Variants in CACNA2D3 observed in about 807,000 individuals in gnomAD.
CACNA2D3 encodes calcium voltage-gated channel auxiliary subunit alpha2delta 3.
A neutral mutation model predicts 160.6 loss-of-function variants in CACNA2D3; 60 were observed. The observed-to-expected ratio is 0.37, with a 90% CI of 0.30 to 0.46. The LOEUF is 0.46. Ranked by LOEUF, CACNA2D3 falls within the 20% of genes least tolerant of loss-of-function variation. The pLI is 1.00. For synonymous variants in CACNA2D3, 558 were observed against 492.9 expected (o/e 1.13, Z -1.75); for missense variants, 1,205 against 1,365.0 (o/e 0.88, Z 1.85).
At chr3:54,852,366 T>A (rs530831483) in intron 17 of CACNA2D3, among the ~76,000 whole-genome samples, 1 of 152,374 alleles carries the variant, frequency 6.6e-6, no homozygotes, top group South Asian at 2.1e-4. Context: ...CCACACTAGG[T>A]GAACCTGAGC....
intron 4 of CACNA2D3, among the ~76,000 whole-genome samples, chr3:54,418,452 T>C (rs2106744665): frequency 6.6e-6 from 1 of 152,318 alleles, no homozygotes; most frequent in East Asian, 1.9e-4. Flanking sequence ...TTAAAGGCGA[T>C]ATTTTTTGAA....
chr3:54,368,992 C>T (rs117925984), intron 3 of CACNA2D3, among the ~76,000 whole-genome samples: 2 of 151,932 alleles, frequency 1.3e-5, no homozygotes, highest in South Asian at 2.1e-4. Flanking sequence ...TGAGCCACTG[C>T]GTCCGGCCGG....
intron 35 of CACNA2D3, among the ~76,000 whole-genome samples, chr3:55,019,220 T>C (rs1053937086): frequency 6.6e-6 from 1 of 151,908 alleles, no homozygotes; most frequent in African/African-American, 2.4e-5. Context: ...TTAATTATTA[T>C]AGCTTTATAA....
intron 35 of CACNA2D3, among the ~76,000 whole-genome samples, chr3:55,035,215 T>A (rs1703787370): frequency 6.6e-6 from 1 of 152,176 alleles, no homozygotes; most frequent in African/African-American, 2.4e-5. Flanking sequence ...GTTTATACAT[T>A]TAATGCTTTT....
chr3:54,440,678 T>C (rs1302551989), intron 4 of CACNA2D3, among the ~76,000 whole-genome samples: 1 of 152,134 alleles, frequency 6.6e-6, no homozygotes, highest in Non-Finnish European at 1.5e-5. Flanking sequence ...GATATTCCCC[T>C]TCCTGTGTCC....
intron 17 of CACNA2D3, among the ~76,000 whole-genome samples, chr3:54,864,975 C>T (rs545998631): frequency 4.6e-5 from 7 of 152,304 alleles, no homozygotes; most frequent in Admixed American, 3.3e-4. Context: ...AGACACGTAC[C>T]GCTGTTAGCA....
At position 54,816,925 on chromosome 3, in the gene CACNA2D3, G is replaced by A. The variant is rs1411495251; in HGVS notation, c.1398+55G>A. On this transcript the variant is annotated intron_variant, in intron 14 of 37. Transcript: ENST00000474759. ...CCCCCAGAACTCACGAGTCATGCATGCCTCCATGGTGTTGTACATTTGACA... is the reference window on the plus strand; with the variant it reads ...CCCCCAGAACTCACGAGTCATGCATACCTCCATGGTGTTGTACATTTGACA... The A allele has an allele frequency of 5.7e-6, 9 of 1,585,082 alleles. No individual in the cohort carries two copies. In the African/African-American group the frequency reaches 6.8e-5, roughly 12 times the overall value.
chr3:55,053,151 G>A (rs932973460), intron 35 of CACNA2D3, among the ~76,000 whole-genome samples: 2 of 151,726 alleles, frequency 1.3e-5, no homozygotes, highest in Non-Finnish European at 2.9e-5. Flanking sequence ...CCTCCCACTG[G>A]TTTCTCTCCA....
intron 34 of CACNA2D3, among the ~76,000 whole-genome samples, chr3:55,014,737 GCAA>G (rs1167615182): frequency 6.6e-6 from 1 of 152,050 alleles, no homozygotes; most frequent in Non-Finnish European, 1.5e-5. Context: ...GTCTCCAACA[GCAA>G]CAACAACAAC....
intron 4 of CACNA2D3, among the ~76,000 whole-genome samples, chr3:54,497,184 A>G (rs1002222654): frequency 1.3e-5 from 2 of 152,074 alleles, no homozygotes; most frequent in Non-Finnish European, 1.5e-5. Context: ...TTGAATTTGT[A>G]GATCACTTTG....
intron 2 of CACNA2D3, among the ~76,000 whole-genome samples, chr3:54,232,084 CAT>C (rs1377628840): frequency 4.6e-5 from 7 of 152,228 alleles, no homozygotes; most frequent in African/African-American, 1.7e-4. Context: ...TGTGTAAACA[CAT>C]GTGTATATGT....
intron 11 of CACNA2D3, among the ~76,000 whole-genome samples, chr3:54,660,358 C>G (rs1473453151): frequency 6.6e-6 from 1 of 152,040 alleles, no homozygotes; most frequent in Non-Finnish European, 1.5e-5. Flanking sequence ...GACGGGGTTT[C>G]ACCGTATTAG....
In CACNA2D3 at chr3:54,562,834, A is replaced by C. The variant is rs759569667; in HGVS notation, c.579A>C (p.Glu193Asp). Residue 193 changes from glutamate to aspartate, a missense_variant, in exon 6 of 38, where the codon GAA (glutamate) becomes GAC (aspartate). Glu to Asp is a conservative substitution (Grantham distance 45). Transcript: ENST00000474759. ...PAIVNGVYWSESLNKVFVDNF... is the reference protein window; with the variant it reads ...PAIVNGVYWSDSLNKVFVDNF... The stretch of plus-strand genomic sequence containing the variant: ...TTGTCAATGGGGTTTATTGGTCTGA[A>C]TCTCTAAACAAAGTTTTTGTAGATA... 5.7e-5 allele frequency: 92 copies of C among 1,612,938 alleles called. No individual in the cohort carries two copies. The highest frequency in any genetic ancestry group is 7.1e-5 in the Non-Finnish European group (84 of 1,179,138).
intron 13 of CACNA2D3, among the ~76,000 whole-genome samples, chr3:54,795,824 T>C (rs910049169): frequency 6.6e-6 from 1 of 152,186 alleles, no homozygotes; most frequent in African/African-American, 2.4e-5. Flanking sequence ...AATACCGATA[T>C]TTGTTAAGAG....
At chr3:54,843,946 T>C (rs1575507354) in intron 16 of CACNA2D3, among the ~76,000 whole-genome samples, 2 of 152,066 alleles carry the variant, frequency 1.3e-5, no homozygotes, top group East Asian at 3.9e-4. Context: ...GCCAGAGCAA[T>C]GGCCAAGAAG....
chr3:54,938,132 G>T (rs904489990), intron 27 of CACNA2D3, among the ~76,000 whole-genome samples: 1 of 152,224 alleles, frequency 6.6e-6, no homozygotes, highest in Non-Finnish European at 1.5e-5. Context: ...TGTCTGAGGG[G>T]CAGCAGAATG....
At position 54,752,435 on chromosome 3, in the gene CACNA2D3, T is replaced by G. The variant is rs1017776043; in HGVS notation, c.1168-164T>G. 2.0e-5 allele frequency among the ~76,000 whole-genome samples: 3 copies of G among 152,284 alleles called. No homozygotes were observed. In the South Asian group the frequency reaches 6.2e-4, roughly 32 times the overall value. On this transcript the variant is annotated intron_variant, in intron 11 of 37. Transcript: ENST00000474759. Reference sequence around the variant, plus strand: ...AAAGATCAAAGGCCCCAATTTTGAGTACATTTCTAGCTGACTATACTTCAG... The same window carrying G: ...AAAGATCAAAGGCCCCAATTTTGAGGACATTTCTAGCTGACTATACTTCAG...
intron 2 of CACNA2D3, among the ~76,000 whole-genome samples, chr3:54,313,244 T>C (rs1703780236): frequency 1.3e-5 from 2 of 152,074 alleles, no homozygotes; most frequent in Admixed American, 6.5e-5. Context: ...TGGCCCAAAG[T>C]GTTGCTGTGT....
Position 55,055,799 on chromosome 3 carries a change from T to C in CACNA2D3, c.2988-17646T>C, listed in dbSNP as rs571004301. On this transcript the variant is annotated intron_variant, in intron 35 of 37. Transcript: ENST00000474759. ...TTTACTCCTAAGCTTTTTTTGTGGC[T>C]ATTATAAATGGGATTGTCCTCCTCA... Among the ~76,000 whole-genome samples, 75 of 152,290 alleles carry C rather than the reference T, an allele frequency of 4.9e-4. 1 individual carries two copies. In the South Asian group the frequency reaches 0.015, roughly 31 times the overall value.
Sources: allele counts gnomAD v4.1 joint callset (sites outside exome capture counted in the v4.1 genomes callset), GRCh38; gene constraint gnomAD v4.1.1; transcripts MANE v1.5; gene names NCBI Gene and HGNC (gene_info 2026-07-23, HGNC 2026-07-21).